LSAMP: variants seen among roughly 807,000 people sequenced by gnomAD.
LSAMP encodes limbic system associated membrane protein.
A neutral mutation model predicts 38.6 loss-of-function variants in LSAMP; 7 were observed. That is an observed-to-expected ratio of 0.18 (90% confidence interval 0.10 to 0.34). The LOEUF (loss-of-function observed/expected upper bound fraction) is 0.34, where lower values mean the gene tolerates loss of function less well. Among genes scored for constraint, LSAMP ranks in the 10% least tolerant of loss-of-function variants. LSAMP has a pLI of 1.00. For missense variants in LSAMP, 313 were observed against 420.0 expected (o/e 0.75, Z 2.23); for synonymous variants, 154 against 166.8 (o/e 0.92, Z 0.59).
At chr3:116,178,292 G>T (rs147176354) in intron 1 of LSAMP, among the ~76,000 whole-genome samples, 1 of 152,032 alleles carries the variant, frequency 6.6e-6, no homozygotes, top group Non-Finnish European at 1.5e-5. Flanking sequence ...TCAGCCTCCC[G>T]AGAACCCGGG....
intron 3 of LSAMP, among the ~76,000 whole-genome samples, chr3:115,865,014 T>G (rs1306186869): frequency 6.6e-6 from 1 of 152,196 alleles, no homozygotes; most frequent in East Asian, 1.9e-4. Flanking sequence ...CCCCCTCGCC[T>G]CCTGTACCTA....
At chr3:116,264,819 C>T (rs1017103718) in intron 1 of LSAMP, among the ~76,000 whole-genome samples, 5 of 152,062 alleles carry the variant, frequency 3.3e-5, no homozygotes, top group Non-Finnish European at 7.4e-5. Flanking sequence ...GTTGCTCAGG[C>T]TGGTCTCAAA....
intron 1 of LSAMP, among the ~76,000 whole-genome samples, chr3:116,111,673 A>G (rs1042857105): frequency 2.0e-5 from 3 of 152,072 alleles, no homozygotes; most frequent in African/African-American, 4.8e-5. Flanking sequence ...TTTGTTTAGT[A>G]TATTATTGCA....
chr3:116,018,131 G>A (rs1216790011), intron 3 of LSAMP, among the ~76,000 whole-genome samples: 2 of 152,080 alleles, frequency 1.3e-5, no homozygotes, highest in Non-Finnish European at 2.9e-5. Context: ...TCCCAAATAA[G>A]TGTCTCATGT....
intron 3 of LSAMP, among the ~76,000 whole-genome samples, chr3:115,938,314 C>T (rs1184515479): frequency 2.6e-5 from 4 of 152,160 alleles, no homozygotes; most frequent in African/African-American, 9.6e-5. Flanking sequence ...CATTTGCCTA[C>T]ATTGAAATAA....
At chr3:116,267,611 CAAAA>C (rs59540404) in intron 1 of LSAMP, among the ~76,000 whole-genome samples, 13 of 140,124 alleles carry the variant, frequency 9.3e-5, no homozygotes, top group South Asian at 2.3e-4. Context: ...TTTAAGCTGG[CAAAA>C]AAAAAAAAAA....
intron 1 of LSAMP, among the ~76,000 whole-genome samples, chr3:116,124,381 A>G (rs1708958338): frequency 6.6e-6 from 1 of 152,178 alleles, no homozygotes; most frequent in Admixed American, 6.5e-5. Context: ...ACAGTATCAC[A>G]TTCTTATCTG....
intron 1 of LSAMP, among the ~76,000 whole-genome samples, chr3:116,285,479 T>C (rs1052733223): frequency 6.6e-6 from 1 of 152,164 alleles, no homozygotes; most frequent in Non-Finnish European, 1.5e-5. Context: ...AACTTTTGCA[T>C]GGCTCATTCC....
chr3:115,924,294 A>C (rs1376307558), intron 3 of LSAMP, among the ~76,000 whole-genome samples: 1 of 152,066 alleles, frequency 6.6e-6, no homozygotes, highest in Non-Finnish European at 1.5e-5. Flanking sequence ...AATCTTCTTT[A>C]TTTGGATCAG....
intron 6 of LSAMP, among the ~76,000 whole-genome samples, chr3:115,832,756 T>C (rs987973019): frequency 6.6e-6 from 1 of 152,196 alleles, no homozygotes; most frequent in Non-Finnish European, 1.5e-5. Flanking sequence ...AGATAAACTA[T>C]ATTCTCTAAA....
At chr3:116,216,573 A>G (rs1424761125) in intron 1 of LSAMP, among the ~76,000 whole-genome samples, 1 of 151,838 alleles carries the variant, frequency 6.6e-6, no homozygotes, top group Non-Finnish European at 1.5e-5. Context: ...AAAAAAAAAG[A>G]TTTTTGTAAT....
At chr3:115,956,401 C>T (rs1938456245) in intron 3 of LSAMP, among the ~76,000 whole-genome samples, 1 of 151,644 alleles carries the variant, frequency 6.6e-6, no homozygotes, top group Non-Finnish European at 1.5e-5. Flanking sequence ...ACCTTAATCC[C>T]CATAGAGGAG....
At chr3:116,154,433 C>T (rs1159667647) in intron 1 of LSAMP, among the ~76,000 whole-genome samples, 1 of 152,106 alleles carries the variant, frequency 6.6e-6, no homozygotes, top group African/African-American at 2.4e-5. Flanking sequence ...ATCCATTCTC[C>T]ACAATAAGAT....
intron 1 of LSAMP, among the ~76,000 whole-genome samples, chr3:116,165,489 T>G (rs985707991): frequency 6.6e-6 from 1 of 152,160 alleles, no homozygotes; most frequent in African/African-American, 2.4e-5. Context: ...ATGAGGTAGA[T>G]AGATTAAAAC....
intron 1 of LSAMP, among the ~76,000 whole-genome samples, chr3:116,124,249 A>C (rs1294555383): frequency 6.6e-6 from 1 of 152,154 alleles, no homozygotes; most frequent in Non-Finnish European, 1.5e-5. Flanking sequence ...TTTCCATTGA[A>C]ATTTGCCTAG....
intron 3 of LSAMP, among the ~76,000 whole-genome samples, chr3:115,896,192 T>C (rs1936724161): frequency 6.6e-6 from 1 of 152,114 alleles, no homozygotes; most frequent in Non-Finnish European, 1.5e-5. Context: ...CTTGCTAAGA[T>C]TTATAAATAA....
chr3:115,818,277 A>G (rs1201061560), intron 6 of LSAMP, among the ~76,000 whole-genome samples: 6 of 152,136 alleles, frequency 3.9e-5, no homozygotes, highest in Non-Finnish European at 7.3e-5. Flanking sequence ...TTAGCTTATT[A>G]TGGTAAGAAT....
chr3:115,897,797 A>C (rs192422802), intron 3 of LSAMP, among the ~76,000 whole-genome samples: 101 of 152,256 alleles, frequency 6.6e-4, no homozygotes, highest in African/African-American at 2.3e-3. Context: ...TTTCTGTTAG[A>C]ACAGATTCAG....
intron 2 of LSAMP, among the ~76,000 whole-genome samples, chr3:116,058,680 T>C (rs550194776): frequency 6.6e-6 from 1 of 152,276 alleles, no homozygotes; most frequent in South Asian, 2.1e-4. Flanking sequence ...TTTTGTGAAG[T>C]ATGCTGCATA....
Sources: allele counts gnomAD v4.1 joint callset (sites outside exome capture counted in the v4.1 genomes callset), GRCh38; gene constraint gnomAD v4.1.1; transcripts MANE v1.5; gene names NCBI Gene and HGNC (gene_info 2026-07-23, HGNC 2026-07-21).